SHOC2: variants seen among roughly 807,000 people sequenced by gnomAD.
SHOC2 encodes the protein SHOC2 leucine rich repeat scaffold protein.
Under a neutral mutation model 50.2 loss-of-function variants are expected in SHOC2, and 4 were observed. The observed-to-expected ratio is 0.08, with a 90% CI of 0.04 to 0.18. The LOEUF is 0.18. Ranked by LOEUF, SHOC2 falls within the 10% of genes least tolerant of loss-of-function variation. The probability of loss-of-function intolerance (pLI) is 1.00; values close to 1 mark genes in which losing one functional copy is unlikely to be tolerated. For synonymous variants in SHOC2, 218 were observed against 244.5 expected, an observed-to-expected ratio of 0.89 and a Z score of 1.01; for missense variants, 388 against 669.6, an observed-to-expected ratio of 0.58 and a Z score of 4.64.
rs1314485047 is a variant in SHOC2 at position 110,946,052 on chromosome 10, C to CCT, written c.-234-18072_-234-18071dup. Among the ~76,000 whole-genome samples the CCT allele has an allele frequency of 2.0e-5, 3 of 152,136 alleles. No individual in the cohort carries two copies. The East Asian group carries it at 5.8e-4, about 29-fold the overall frequency. ...CAGAACTGCATCTTTGTGGGATTGT[C>CCT]CTTTTCATCCTACTCAGGCCCTGAG... On this transcript the variant is annotated intron_variant, in intron 1 of 8. Transcript: ENST00000369452.
chr10:110,939,444 TTC>T (rs921930771), intron 1 of SHOC2, among the ~76,000 whole-genome samples: 4 of 152,168 alleles, frequency 2.6e-5, no homozygotes, highest in African/African-American at 9.7e-5. Context: ...GGTCTCGAAC[TTC>T]TGGCCTCAAC....
chr10:110,991,046 G>C lies in SHOC2; in HGVS notation c.841+5281G>C, dbSNP rs185138078. On this transcript the variant is annotated intron_variant, in intron 3 of 8. Transcript: ENST00000369452. ...TGTAACTTTGCCTGCTCCTTCAACT[G>C]ATCAGATAGATATATATAGCATGAT... is the stretch of plus-strand genomic sequence containing the variant. 1.6e-4 allele frequency among the ~76,000 whole-genome samples: 24 copies of C among 152,184 alleles called. No individual in the cohort carries two copies. The East Asian group carries it at 2.1e-3, about 13-fold the overall frequency.
intron 2 of SHOC2, among the ~76,000 whole-genome samples, chr10:110,966,362 G>A (rs753964443): frequency 1.3e-5 from 2 of 152,088 alleles, no homozygotes; most frequent in African/African-American, 2.4e-5. Flanking sequence ...AGATAGGAAT[G>A]TGGTTGTTGA....
chr10:111,004,481 C>T, intron 4 of SHOC2, 125 bp from the exon 5 acceptor site: 1 of 706,314 alleles, frequency 1.4e-6, no homozygotes, highest in Non-Finnish European at 2.5e-6. Flanking sequence ...CAGACTGCCC[C>T]AACCAGTCTC....
At chr10:110,974,230 T>G (rs1447611396) in intron 2 of SHOC2, among the ~76,000 whole-genome samples, 1 of 152,110 alleles carries the variant, frequency 6.6e-6, no homozygotes, top group Non-Finnish European at 1.5e-5. Context: ...TTTCTAAATA[T>G]CCCTTTTTAT....
chr10:110,976,528 C>CT (rs897529076), intron 2 of SHOC2, among the ~76,000 whole-genome samples: 1 of 152,058 alleles, frequency 6.6e-6, no homozygotes, highest in Non-Finnish European at 1.5e-5. Context: ...CCAGAGTGGT[C>CT]TTTAAACTCC....
At chr10:110,925,913 C>T (rs551552770) in intron 1 of SHOC2, among the ~76,000 whole-genome samples, 1 of 152,268 alleles carries the variant, frequency 6.6e-6, no homozygotes, top group East Asian at 1.9e-4. Context: ...TTATAGAAAT[C>T]TGAGAAATTT....
intron 1 of SHOC2, among the ~76,000 whole-genome samples, chr10:110,924,732 C>T (rs538277842): frequency 2.0e-5 from 3 of 151,998 alleles, no homozygotes; most frequent in African/African-American, 7.2e-5. Context: ...ATCAGTGTAA[C>T]GTGGGGAATA....
intron 1 of SHOC2, among the ~76,000 whole-genome samples, chr10:110,936,254 G>A (rs1847007973): frequency 6.6e-6 from 1 of 151,522 alleles, no homozygotes; most frequent in Non-Finnish European, 1.5e-5. Context: ...CCTCCACCCT[G>A]CCCGGCTAAT....
chr10:110,989,594 G>GA (rs1848143980), intron 3 of SHOC2, among the ~76,000 whole-genome samples: 1 of 152,138 alleles, frequency 6.6e-6, no homozygotes, highest in African/African-American at 2.4e-5. Context: ...TTCTGGAATT[G>GA]AATGTACAAA....
chr10:110,974,141 A>G (rs1018868882), intron 2 of SHOC2, among the ~76,000 whole-genome samples: 3 of 152,020 alleles, frequency 2.0e-5, no homozygotes, highest in African/African-American at 7.2e-5. Flanking sequence ...TAACTATTTC[A>G]TAGCTAGAAA....
At chr10:110,952,210 T>C (rs1847367689) in intron 1 of SHOC2, among the ~76,000 whole-genome samples, 1 of 152,172 alleles carries the variant, frequency 6.6e-6, no homozygotes, top group Non-Finnish European at 1.5e-5. Context: ...AGTCTTCACT[T>C]TTAGATAAAT....
chr10:111,006,532 G>A (rs1199719295), intron 5 of SHOC2, among the ~76,000 whole-genome samples: 4 of 151,986 alleles, frequency 2.6e-5, no homozygotes, highest in Non-Finnish European at 1.5e-5. Context: ...CACTACGCCC[G>A]GCTAATTTTT....
chr10:110,980,408 G>A (rs1159538495), intron 2 of SHOC2, among the ~76,000 whole-genome samples: 3 of 151,850 alleles, frequency 2.0e-5, no homozygotes, highest in East Asian at 1.9e-4. Flanking sequence ...TGCCCACCTC[G>A]GCCTCCCAAA....
At position 110,964,030 on chromosome 10, in the gene SHOC2, A is replaced by T. The variant is rs964556487; in HGVS notation, c.-234-95A>T. ...TTCATAAATATTTGAGAATGAAATC[A>T]TAGGAAAATGGCAAACTCTAATAAG... On this transcript the variant is annotated intron_variant, in intron 1 of 8. Coordinates refer to ENST00000369452, the MANE Select transcript of SHOC2 (RefSeq NM_007373.4). This position sits in a 1 kb window ranked among gnomAD's most constrained non-coding sequence, Gnocchi z 4.9. 1.7e-5 allele frequency: 7 copies of T among 422,168 alleles called. No homozygotes were observed. Among genetic ancestry groups the T allele is most frequent in the Admixed American group, 8.0e-5 (2 of 25,050 alleles). 26.2% of individuals were successfully genotyped at this position (422,168 alleles called of 1,614,324 possible). A position where few individuals can be genotyped will look rare whatever the true frequency, so the allele number is the denominator to read the frequency against.
rs1185076769 is a variant in SHOC2 at position 110,964,550 on chromosome 10, G to A, written c.192G>A (p.Val64=). 3.7e-6 allele frequency: 6 copies of A among 1,614,078 alleles called. No homozygotes were observed. The highest frequency in any genetic ancestry group is 1.3e-5 in the African/African-American group (1 of 75,022). ...ACTCCAGTGCTGCCCAACCAGGGGT[G>A]GCATTTTCAGTTGACAATACGATCA... ...KKDSSAAQPG[V]AFSVDNTIKR... is the part of the protein sequence containing the mutation. Residue 64 remains valine (V), a synonymous_variant, in exon 2 of 9, where the codon GTG becomes GTA. Coordinates refer to ENST00000369452, the MANE Select transcript of SHOC2 (RefSeq NM_007373.4). This position sits in a 1 kb window ranked among gnomAD's most constrained non-coding sequence, Gnocchi z 4.9.
In SHOC2 at chr10:111,012,047, G is replaced by A. The variant is rs996096984; in HGVS notation, c.*229G>A. On this transcript the variant is annotated 3_prime_UTR_variant, in exon 9 of 9. Transcript: ENST00000369452. ...AATTTGATGGATGTTTTTCTGTTGT[G>A]TAATCTGATATGCCAGTTTGCTTAA... 4.8e-5 allele frequency: 26 copies of A among 537,982 alleles called. No homozygotes were observed. The highest frequency in any genetic ancestry group is 3.2e-5 in the East Asian group (1 of 30,786). 33.3% of individuals were successfully genotyped at this position (537,982 alleles called of 1,614,324 possible).
At chr10:111,006,986 T>G (rs1848480445) in intron 5 of SHOC2, among the ~76,000 whole-genome samples, 1 of 152,216 alleles carries the variant, frequency 6.6e-6, no homozygotes, top group African/African-American at 2.4e-5. Context: ...ATTTTTTTCT[T>G]ATGGATTTTT....
chr10:110,928,839 G>A (rs1412185841), intron 1 of SHOC2, among the ~76,000 whole-genome samples: 1 of 152,122 alleles, frequency 6.6e-6, no homozygotes, highest in Non-Finnish European at 1.5e-5. Flanking sequence ...AGGTTGCAGT[G>A]AGCCTAGATC....
Sources: allele counts gnomAD v4.1 joint callset (sites outside exome capture counted in the v4.1 genomes callset), GRCh38; gene constraint gnomAD v4.1.1; non-coding constraint Gnocchi (gnomAD v3.1); transcripts MANE v1.5; gene names NCBI Gene and HGNC (gene_info 2026-07-23, HGNC 2026-07-21).